CDK13: variants seen among roughly 807,000 people sequenced by gnomAD.
The protein encoded by CDK13 is cyclin-dependent kinase 13.
Under a neutral mutation model 137.6 loss-of-function variants are expected in CDK13, and 40 were observed. The observed-to-expected ratio is 0.29, with a 90% CI of 0.23 to 0.38. The LOEUF is 0.38. Ranked by LOEUF, CDK13 falls within the 10% of genes least tolerant of loss-of-function variation. The pLI is 1.00. For missense variants in CDK13, 1,704 were observed against 1,951.8 expected, an observed-to-expected ratio of 0.87 and a Z score of 2.39; for synonymous variants, 869 against 760.1, an observed-to-expected ratio of 1.14 and a Z score of -2.36.
At chr7:40,002,767 A>T (rs993966832) in intron 5 of CDK13, among the ~76,000 whole-genome samples, 1 of 151,988 alleles carries the variant, frequency 6.6e-6, no homozygotes, top group African/African-American at 2.4e-5. Context: ...CTTTTTCTCA[A>T]ACTAAATCTA....
intron 1 of CDK13, among the ~76,000 whole-genome samples, chr7:39,958,720 GTA>G: frequency 6.6e-6 from 1 of 151,710 alleles, no homozygotes; most frequent in East Asian, 1.9e-4. Flanking sequence ...TGCTATGTGT[GTA>G]TATCTAAAGC....
chr7:39,990,891 C>T (rs916524297), intron 2 of CDK13, among the ~76,000 whole-genome samples: 3 of 152,064 alleles, frequency 2.0e-5, no homozygotes, highest in African/African-American at 4.8e-5. Flanking sequence ...GGAAATACTA[C>T]AGATATTTAA....
chr7:39,996,819 T>C (rs1042418335), intron 2 of CDK13, among the ~76,000 whole-genome samples: 1 of 151,596 alleles, frequency 6.6e-6, no homozygotes, highest in Non-Finnish European at 1.5e-5. Flanking sequence ...AAAAATTAGC[T>C]GGTTGTGGTG....
intron 5 of CDK13, among the ~76,000 whole-genome samples, chr7:40,029,039 T>C (rs756995421): frequency 1.4e-4 from 22 of 152,002 alleles, no homozygotes; most frequent in Admixed American, 3.9e-4. Flanking sequence ...TATATGCAGA[T>C]TTTTAAAATA....
intron 5 of CDK13, among the ~76,000 whole-genome samples, chr7:40,023,071 T>C (rs1360408684): frequency 6.6e-6 from 1 of 151,838 alleles, no homozygotes; most frequent in Non-Finnish European, 1.5e-5. Context: ...GAAAGCAGAG[T>C]TCTAGTACAA....
intron 2 of CDK13, among the ~76,000 whole-genome samples, chr7:39,992,133 C>T (rs1784471822): frequency 6.7e-6 from 1 of 148,500 alleles, no homozygotes; most frequent in Non-Finnish European, 1.5e-5. Flanking sequence ...ACACACGCTC[C>T]ATCTCTAGTT....
intron 1 of CDK13, among the ~76,000 whole-genome samples, chr7:39,983,777 T>G (rs1784279533): frequency 6.6e-6 from 1 of 152,194 alleles, no homozygotes; most frequent in African/African-American, 2.4e-5. Flanking sequence ...GAGAGGAAAT[T>G]AAAAATGTGG....
chr7:39,969,561 G>A (rs962746178), intron 1 of CDK13, among the ~76,000 whole-genome samples: 2 of 152,138 alleles, frequency 1.3e-5, no homozygotes, highest in Admixed American at 6.6e-5. Flanking sequence ...TATGGGAAGC[G>A]AATGCTTGAC....
chr7:40,084,432 C>G (rs947209039), intron 11 of CDK13, among the ~76,000 whole-genome samples: 2 of 152,156 alleles, frequency 1.3e-5, no homozygotes, highest in Non-Finnish European at 2.9e-5. Context: ...GAGCTGAGAT[C>G]ACACCATTGC....
At chr7:39,980,576 AAAT>A (rs1336801929) in intron 1 of CDK13, among the ~76,000 whole-genome samples, 3 of 152,190 alleles carry the variant, frequency 2.0e-5, no homozygotes, top group African/African-American at 7.2e-5. Flanking sequence ...TTAGCATGAG[AAAT>A]AAGCAGAGTG....
rs187028745 is a variant in CDK13 at position 39,992,542 on chromosome 7, C to T, written c.1871+4284C>T. ...ATACTGTAAATACTTAAGTCATCTC[C>T]CAAGAATAAGGTCAGTCTCCTGCTT... On this transcript the variant is annotated intron_variant, in intron 2 of 13. Transcript: ENST00000181839. Among the ~76,000 whole-genome samples the T allele has an allele frequency of 2.6e-3, 397 of 151,760 alleles. 1 individual carries two copies. Among genetic ancestry groups the T allele is most frequent in the African/African-American group, 9.1e-3 (375 of 41,398 alleles).
At chr7:40,025,839 A>G (rs1785231624) in intron 5 of CDK13, among the ~76,000 whole-genome samples, 1 of 152,192 alleles carries the variant, frequency 6.6e-6, no homozygotes, top group African/African-American at 2.4e-5. Flanking sequence ...AGAGAAGAAA[A>G]TTAAGAAAAT....
At chr7:40,036,789 A>G (rs1219817229) in intron 5 of CDK13, among the ~76,000 whole-genome samples, 1 of 151,990 alleles carries the variant, frequency 6.6e-6, no homozygotes, top group Non-Finnish European at 1.5e-5. Context: ...GATTATGGAG[A>G]GACAATAGAT....
intron 5 of CDK13, among the ~76,000 whole-genome samples, chr7:40,043,769 A>G (rs907653283): frequency 6.6e-6 from 1 of 151,800 alleles, no homozygotes; most frequent in Non-Finnish European, 1.5e-5. Context: ...TCAGGGATAT[A>G]GTGAGTTGTG....
intron 7 of CDK13, among the ~76,000 whole-genome samples, chr7:40,057,055 G>C (rs1232288882): frequency 1.3e-5 from 2 of 152,234 alleles, no homozygotes; most frequent in African/African-American, 4.8e-5. Flanking sequence ...AGGAGTTCAA[G>C]ACCAGCCTGG....
At chr7:40,056,505 C>A (rs888548015) in intron 7 of CDK13, among the ~76,000 whole-genome samples, 1 of 152,114 alleles carries the variant, frequency 6.6e-6, no homozygotes, top group African/African-American at 2.4e-5. Flanking sequence ...GAACAAAAAC[C>A]AAATGATAAT....
intron 1 of CDK13, among the ~76,000 whole-genome samples, chr7:39,967,030 G>T (rs570849499): frequency 2.6e-5 from 4 of 152,266 alleles, no homozygotes; most frequent in South Asian, 4.1e-4. Flanking sequence ...CTACTCGGGG[G>T]TGCCTCCCAG....
At chr7:40,014,027 G>A (rs1784950965) in intron 5 of CDK13, among the ~76,000 whole-genome samples, 1 of 149,190 alleles carries the variant, frequency 6.7e-6, no homozygotes, top group Non-Finnish European at 1.5e-5. Flanking sequence ...TTTATCTTTG[G>A]GCATTTGATA....
At position 40,002,046 on chromosome 7, in the gene CDK13, TTAAA is replaced by T. The variant is rs779670998; in HGVS notation, c.2353+19_2353+22del. 475 of 1,549,858 alleles carry T rather than the reference TTAAA, an allele frequency of 3.1e-4. 1 individual carries two copies. Among genetic ancestry groups the T allele is most frequent in the Non-Finnish European group, 4.0e-4 (457 of 1,151,966 alleles). On this transcript the variant is annotated intron_variant, in intron 5 of 13. Coordinates refer to ENST00000181839, the MANE Select transcript of CDK13 (RefSeq NM_003718.5). ...GAAGGACAAAGGTATGTGTGCATAT[TTAAA>T]TAACGAATTTTTTGTATTCATGATT...
Sources: allele counts gnomAD v4.1 joint callset (sites outside exome capture counted in the v4.1 genomes callset), GRCh38; gene constraint gnomAD v4.1.1; transcripts MANE v1.5; gene names NCBI Gene and HGNC (gene_info 2026-07-23, HGNC 2026-07-21).